The following ALG13 variants were observed in gnomAD, a reference collection of about 807,000 sequenced individuals.
ALG13 encodes the protein ALG13 UDP-N-acetylglucosaminyltransferase subunit, also known as UDP-N-acetylglucosamine transferase subunit ALG13.
In ALG13, 11 loss-of-function variants were observed where a neutral mutation model predicts 87.8. The observed-to-expected ratio is 0.13, with a 90% CI of 0.08 to 0.21. The LOEUF (loss-of-function observed/expected upper bound fraction) is 0.21. Ranked by LOEUF, ALG13 falls within the 10% of genes least tolerant of loss-of-function variation. The probability of loss-of-function intolerance (pLI) is 1.00; values close to 1 mark genes in which losing one functional copy is unlikely to be tolerated. For synonymous variants in ALG13, 320 were observed against 306.3 expected, an observed-to-expected ratio of 1.04 and a Z score of -0.47; for missense variants, 756 against 866.1, an observed-to-expected ratio of 0.87 and a Z score of 1.60.
chrX:111,755,632 T>G (rs1602973738), intron 25 of ALG13, among the ~76,000 whole-genome samples: 1 of 112,532 alleles, frequency 8.9e-6, no homozygotes, highest in Non-Finnish European at 1.9e-5. Flanking sequence ...ACAGACACTT[T>G]TCAAAAGAAG....
chrX:111,681,675 C>G (rs1019089221), intron 1 of ALG13: 40 of 865,603 alleles, frequency 4.6e-5, no homozygotes, highest in Admixed American at 2.6e-4. Flanking sequence ...CTCAGGCCCC[C>G]CTGTGGACCG....
chrX:111,744,939 A>G lies in ALG13; in HGVS notation c.2932+35A>G, dbSNP rs1028585055. On this transcript the variant is annotated intron_variant, in intron 24 of 26. Transcript: ENST00000394780. ...TTTTGAGACTTAGGTGAGGGATCTG[A>G]GACTTAAAAAATATTGTTAGAGCAT... 9 of 1,092,383 alleles carry G rather than the reference A, an allele frequency of 8.2e-6. No homozygotes were observed. In the African/African-American group the frequency reaches 1.5e-4, roughly 18 times the overall value. 90.0% of individuals were successfully genotyped at this position (1,092,383 alleles called of 1,213,427 possible).
At chrX:111,700,751 ATTTTT>A (rs772630509) in intron 3 of ALG13, among the ~76,000 whole-genome samples, 1 of 50,725 alleles carries the variant, frequency 2.0e-5, no homozygotes, top group African/African-American at 6.3e-5. Context: ...TAATTTTTGT[ATTTTT>A]TTTTTTTTTT....
rs755772374 is a variant in ALG13, at chrX:111,759,922, G to A, written c.3337G>A (p.Gly1113Ser). The part of the protein sequence containing the change: ...TAYGGSSQIH[G>S]AINPGPIGCI... ...ATATGGTGGTTCTTCTCAAATTCATGGTGCTATAAATCCTGGGCCAATTGG... is the reference window on the plus strand; with the variant it reads ...ATATGGTGGTTCTTCTCAAATTCATAGTGCTATAAATCCTGGGCCAATTGG... Residue 1113 changes from glycine to serine, a missense_variant, in exon 27 of 27, where the codon GGT (glycine) becomes AGT (serine). Gly to Ser is a moderately conservative substitution (Grantham distance 56). This residue lies in a region of ALG13 where 110 missense variants were observed against 104.9 expected (regional missense o/e 1.05). Transcript: ENST00000394780. The A allele has an allele frequency of 1.7e-6, 2 of 1,210,655 alleles. No homozygotes were observed. The highest frequency in any genetic ancestry group is 2.2e-6 in the Non-Finnish European group (2 of 895,056).
intron 11 of ALG13, among the ~76,000 whole-genome samples, chrX:111,721,052 CGTG>C (rs1408368766): frequency 1.0e-5 from 1 of 99,845 alleles, no homozygotes; most frequent in Non-Finnish European, 2.0e-5. Flanking sequence ...TAAAGAACGA[CGTG>C]GTTTTTTTTT....
chrX:111,751,216 G>A (rs781344779), intron 24 of ALG13, among the ~76,000 whole-genome samples: 1 of 108,982 alleles, frequency 9.2e-6, no homozygotes, highest in South Asian at 4.1e-4. Flanking sequence ...TTACAGGCAC[G>A]TGCCACCACA....
At chrX:111,700,111 T>G (rs989343452) in intron 3 of ALG13, among the ~76,000 whole-genome samples, 1 of 107,443 alleles carries the variant, frequency 9.3e-6, no homozygotes, top group African/African-American at 3.4e-5. Context: ...TTTTACCTCA[T>G]TGGTTACATT....
chrX:111,688,742 T>C, intron 3 of ALG13: 1 of 744,247 alleles, frequency 1.3e-6, no homozygotes. Flanking sequence ...TTACAATTTA[T>C]GTGCTTATAA....
chrX:111,713,629 T>A, intron 8 of ALG13, among the ~76,000 whole-genome samples: 1 of 112,314 alleles, frequency 8.9e-6, no homozygotes, highest in Admixed American at 9.4e-5. Flanking sequence ...TCCATCCTTA[T>A]TATGCCATGC....
At chrX:111,689,560 C>T (rs1373892820) in intron 3 of ALG13, 2 of 751,785 alleles carry the variant, frequency 2.7e-6, no homozygotes, top group Middle Eastern at 7.5e-4. Context: ...TGTGCAGTAA[C>T]GCCTCTGACT....
chrX:111,707,690 T>G (rs1338772307), intron 3 of ALG13, among the ~76,000 whole-genome samples: 1 of 111,888 alleles, frequency 8.9e-6, no homozygotes, highest in Non-Finnish European at 1.9e-5. Flanking sequence ...GGGGAGAGAC[T>G]GTAGTTGAAA....
intron 19 of ALG13, among the ~76,000 whole-genome samples, chrX:111,729,986 C>T (rs1942495940): frequency 8.9e-6 from 1 of 112,307 alleles, no homozygotes; most frequent in Admixed American, 9.4e-5. Context: ...GGTACTGTTA[C>T]TCCATTTTAC....
intron 3 of ALG13, among the ~76,000 whole-genome samples, chrX:111,686,682 C>T (rs1569511204): frequency 2.7e-5 from 3 of 111,809 alleles, no homozygotes; most frequent in South Asian, 3.7e-4. Context: ...CTGCTTTATG[C>T]AAGTCAATTT....
intron 24 of ALG13, among the ~76,000 whole-genome samples, chrX:111,745,199 C>T (rs1041170643): frequency 1.8e-5 from 2 of 111,459 alleles, no homozygotes; most frequent in Non-Finnish European, 3.8e-5. Flanking sequence ...AATATCTTTG[C>T]TTTTCTTAAC....
Position 111,718,371 on chromosome X carries a change from G to A in ALG13, c.1250+97G>A, listed in dbSNP as rs796462235. 1.2e-5 allele frequency: 9 copies of A among 723,362 alleles called. No individual in the cohort carries two copies. In the African/African-American group the frequency reaches 1.3e-4, roughly 11 times the overall value. 59.6% of individuals were successfully genotyped at this position (723,362 alleles called of 1,213,427 possible). On this transcript the variant is annotated intron_variant, in intron 10 of 26. Coordinates refer to ENST00000394780, the MANE Select transcript of ALG13 (RefSeq NM_001099922.3). The stretch of plus-strand genomic sequence containing the variant: ...GGGGCCTGGCAAGCTTATGAGTTAG[G>A]TTACATATTCACACGTACACATATG...
At chrX:111,731,183 A>G (rs1398083068) in intron 21 of ALG13, among the ~76,000 whole-genome samples, 1 of 111,934 alleles carries the variant, frequency 8.9e-6, no homozygotes, top group Non-Finnish European at 1.9e-5. Flanking sequence ...GCATCCTAAA[A>G]TGTCCCATTC....
chrX:111,708,700 C>G (rs1271585712), intron 4 of ALG13, among the ~76,000 whole-genome samples: 5 of 111,765 alleles, frequency 4.5e-5, no homozygotes, highest in Non-Finnish European at 9.4e-5. Flanking sequence ...TAAGCATCCC[C>G]TGCTTCCTCT....
At chrX:111,735,003 ATTGATGTG>A (rs764049065) in intron 21 of ALG13, 40 bp from the exon 22 acceptor site, 143 of 838,177 alleles carry the variant, frequency 1.7e-4, no homozygotes, top group Non-Finnish European at 2.2e-4. Context: ...AAACAAAGTT[ATTGATGTG>A]TTGTTTGTTT....
intron 3 of ALG13, among the ~76,000 whole-genome samples, chrX:111,703,185 G>GTCATCA (rs747566924): frequency 6.3e-4 from 68 of 107,877 alleles, no homozygotes; most frequent in African/African-American, 1.7e-3. Flanking sequence ...TTTTTATATT[G>GTCATCA]TCATCATCAT....
Sources: allele counts gnomAD v4.1 joint callset (sites outside exome capture counted in the v4.1 genomes callset), GRCh38; gene constraint gnomAD v4.1.1; regional missense constraint gnomAD v4.1.1; transcripts MANE v1.5; gene names NCBI Gene and HGNC (gene_info 2026-07-23, HGNC 2026-07-21).